The following FARP1 variants were observed in gnomAD, a reference collection of about 807,000 sequenced individuals.
The protein encoded by FARP1 is FERM, ARH/RhoGEF and pleckstrin domain protein 1.
FARP1 carries 52 observed loss-of-function variants against 128.8 expected under a neutral mutation model. The ratio of observed to expected loss-of-function variants is 0.40; its 90% confidence interval spans 0.32 to 0.51. The LOEUF (loss-of-function observed/expected upper bound fraction) is 0.51. FARP1 is among the 20% of genes least tolerant of loss of function. FARP1 has a pLI of 0.45. For missense variants in FARP1, 1,333 were observed against 1,367.9 expected (o/e 0.97, Z 0.40); for synonymous variants, 580 against 551.8 (o/e 1.05, Z -0.72).
At position 98,431,057 on chromosome 13, in the gene FARP1, C is replaced by G. The variant is rs1891994297; in HGVS notation, c.1920C>G (p.His640Gln). The G allele has an allele frequency of 6.2e-7, 1 of 1,613,394 alleles. No homozygotes were observed. The highest frequency in any genetic ancestry group is 1.7e-5 in the Admixed American group (1 of 59,968). The change falls in exon 18 of 27, where the codon CAC (histidine) becomes CAG (glutamine). Residue 640 changes from histidine (H) to glutamine (Q), a missense_variant. Transcript: ENST00000319562. ...TGCCTCCCAAGCACCTGGCGGCTCA[C>G]CTGTGGAAGCACAGCGAGGCCTTGG... is the stretch of plus-strand genomic sequence containing the variant. The part of the protein sequence containing the change: ...NIQGMKHLAA[H>Q]LWKHSEALEA...
chr13:98,262,327 C>T (rs767157241), intron 2 of FARP1, among the ~76,000 whole-genome samples: 1 of 151,860 alleles, frequency 6.6e-6, no homozygotes, highest in Admixed American at 6.6e-5. Context: ...GGCAATACTG[C>T]ATTCTTTTAT....
intron 2 of FARP1, among the ~76,000 whole-genome samples, chr13:98,225,232 C>A (rs78854833): frequency 6.6e-6 from 1 of 152,162 alleles, no homozygotes; most frequent in Non-Finnish European, 1.5e-5. Flanking sequence ...CGTCTGGTTT[C>A]GTGATCCAGT....
At chr13:98,162,784 G>C (rs1205139296) in intron 1 of FARP1, among the ~76,000 whole-genome samples, 1 of 152,184 alleles carries the variant, frequency 6.6e-6, no homozygotes, top group Non-Finnish European at 1.5e-5. Flanking sequence ...CGCCTTGCAA[G>C]TCAGGAGCTA....
chr13:98,405,221 G>A (rs1023090709), intron 13 of FARP1: 1 of 152,190 alleles, frequency 6.6e-6, no homozygotes, highest in African/African-American at 2.4e-5. Flanking sequence ...TGATCAAGAT[G>A]CTGCAAACCC....
At chr13:98,402,327 C>G (rs1890812254) in intron 13 of FARP1, 1 of 152,470 alleles carries the variant, frequency 6.6e-6, no homozygotes, top group South Asian at 2.1e-4. Flanking sequence ...GAGTAAAATG[C>G]ATCGGACAGT....
At chr13:98,251,050 T>C (rs1271395145) in intron 2 of FARP1, among the ~76,000 whole-genome samples, 1 of 152,254 alleles carries the variant, frequency 6.6e-6, no homozygotes, top group African/African-American at 2.4e-5. Flanking sequence ...AACTTGTGAA[T>C]ACATAAATAT....
chr13:98,236,319 T>C (rs1189096849), intron 2 of FARP1, among the ~76,000 whole-genome samples: 15 of 152,228 alleles, frequency 9.9e-5, no homozygotes, highest in Admixed American at 9.8e-4. Flanking sequence ...AAAAGAACTA[T>C]GCTTCCAAAC....
rs372915442 is a variant in FARP1, at chr13:98,334,740, C to T, written c.172-9022C>T. Among the ~76,000 whole-genome samples the T allele has an allele frequency of 3.3e-5, 5 of 152,252 alleles. No homozygotes were observed. The East Asian group carries it at 9.6e-4, about 29-fold the overall frequency. On this transcript the variant is annotated intron_variant, in intron 2 of 26. Coordinates refer to ENST00000319562, the MANE Select transcript of FARP1 (RefSeq NM_005766.4). ...AAGATGGAGCTCTGATCTGATAGAACTAGTGACCTTAGGAGAAGAGACACC... is the reference window on the plus strand; with the variant it reads ...AAGATGGAGCTCTGATCTGATAGAATTAGTGACCTTAGGAGAAGAGACACC...
chr13:98,394,772 A>C (rs1890449206), intron 12 of FARP1, among the ~76,000 whole-genome samples: 2 of 152,110 alleles, frequency 1.3e-5, no homozygotes. Context: ...CCATCTCTAC[A>C]AAAAAAATTT....
intron 16 of FARP1, among the ~76,000 whole-genome samples, chr13:98,418,908 G>A (rs1891487713): frequency 6.6e-6 from 1 of 152,154 alleles, no homozygotes; most frequent in African/African-American, 2.4e-5. Flanking sequence ...TATTCAATTC[G>A]ACCTGGTGGT....
In FARP1 at chr13:98,442,318, A is replaced by T. The variant is rs145438931; in HGVS notation, c.2796+1482A>T. ...AGTGCTTCATGGAGGGTCTCGAGAG[A>T]GTCTCGGAATTTATTCTCGGGAAAC... On this transcript the variant is annotated intron_variant, in intron 24 of 26. Transcript: ENST00000319562. Among the ~76,000 whole-genome samples, 6 of 152,300 alleles carry T rather than the reference A, an allele frequency of 3.9e-5. No homozygotes were observed. The East Asian group carries it at 9.7e-4, about 25-fold the overall frequency.
At chr13:98,230,554 T>C (rs1882051266) in intron 2 of FARP1, among the ~76,000 whole-genome samples, 4 of 152,164 alleles carry the variant, frequency 2.6e-5, no homozygotes, top group Admixed American at 1.3e-4. Flanking sequence ...TGTTGTGAGG[T>C]CCCTGGGCAG....
intron 1 of FARP1, among the ~76,000 whole-genome samples, chr13:98,144,000 G>A (rs1566657721): frequency 2.6e-5 from 4 of 152,126 alleles, no homozygotes. Context: ...TGACAAAGAG[G>A]AACACACCCT....
intron 2 of FARP1, among the ~76,000 whole-genome samples, chr13:98,240,901 A>G (rs1882731121): frequency 6.6e-6 from 1 of 152,230 alleles, no homozygotes; most frequent in Non-Finnish European, 1.5e-5. Flanking sequence ...ACGATCCGGC[A>G]TTGAGCTTTG....
In FARP1 at chr13:98,395,253, T is replaced by C. The variant is rs760187203; in HGVS notation, c.1191T>C (p.Phe397=). ...CTCAGCAGAGCACCAGCCTTACATT[T>C]GGAGAAGGTGCCGAATCTCCAGGGG... ...EQSQQSTSLT[F]GEGAESPGGQ... Residue 397 remains phenylalanine (F), a synonymous_variant, in exon 13 of 27, where the codon TTT becomes TTC. Transcript: ENST00000319562. 2 of 1,603,916 alleles carry C rather than the reference T, an allele frequency of 1.2e-6. No individual in the cohort carries two copies. The highest frequency in any genetic ancestry group is 1.1e-5 in the South Asian group (1 of 90,798).
In FARP1 at chr13:98,440,039, G is replaced by T. The variant is rs766265936; in HGVS notation, c.2512G>T (p.Ala838Ser). The T allele has an allele frequency of 6.8e-6, 11 of 1,606,912 alleles. No individual in the cohort carries two copies. In the South Asian group the frequency reaches 1.1e-4, roughly 16 times the overall value. ...RGQRQSIIVA[A>S]SSRSEMEKWV... The stretch of plus-strand genomic sequence containing the variant: ...CCAGCGGCAGTCCATCATCGTGGCC[G>T]CCAGGTAACTCGGGAGCCCGCCCCT... Residue 838 changes from alanine to serine, a missense_variant, in exon 22 of 27, where the codon GCC (alanine) becomes TCC (serine). Transcript: ENST00000319562.
rs78600512 is a variant in FARP1 at position 98,289,198 on chromosome 13, G to T, written c.172-54564G>T. ...AGTTGGGAACCACGTGCCAGGCCTGGTGTATGTGCTCACGGACACATTAAT... is the reference window on the plus strand; with the variant it reads ...AGTTGGGAACCACGTGCCAGGCCTGTTGTATGTGCTCACGGACACATTAAT... On this transcript the variant is annotated intron_variant, in intron 2 of 26. Coordinates refer to ENST00000319562, the MANE Select transcript of FARP1 (RefSeq NM_005766.4). Among the ~76,000 whole-genome samples, 196 of 152,246 alleles carry T rather than the reference G, an allele frequency of 1.3e-3. 4 individuals carry two copies. In the East Asian group the frequency reaches 0.032, roughly 25 times the overall value.
At chr13:98,248,909 G>A (rs1425033552) in intron 2 of FARP1, among the ~76,000 whole-genome samples, 1 of 152,086 alleles carries the variant, frequency 6.6e-6, no homozygotes, top group Non-Finnish European at 1.5e-5. Context: ...CTGAGAATGT[G>A]CCTTACAGAG....
chr13:98,238,900 C>T (rs969943377), intron 2 of FARP1, among the ~76,000 whole-genome samples: 5 of 152,096 alleles, frequency 3.3e-5, no homozygotes, highest in Admixed American at 1.3e-4. Flanking sequence ...GGGGTCTGTG[C>T]GCCAACCCCC....
Sources: gnomAD v4.1 joint callset for allele counts (sites outside exome capture counted in the v4.1 genomes callset) on GRCh38, gnomAD v4.1.1 for gene constraint, MANE v1.5 for transcripts, NCBI Gene and HGNC (gene_info 2026-07-23, HGNC 2026-07-21) for gene names.